Variants in BMERB1 observed in about 807,000 individuals in gnomAD.
BMERB1 encodes bMERB domain containing 1.
BMERB1 carries 12 observed loss-of-function variants against 23.6 expected under a neutral mutation model. The ratio of observed to expected loss-of-function variants is 0.51; its 90% confidence interval spans 0.33 to 0.82. BMERB1 has a LOEUF of 0.82. Among genes scored for constraint, BMERB1 ranks in the 40% least tolerant of loss-of-function variants. The pLI is 0.03. For missense variants in BMERB1, 247 were observed against 255.4 expected, an observed-to-expected ratio of 0.97 and a Z score of 0.22; for synonymous variants, 122 against 96.6, an observed-to-expected ratio of 1.26 and a Z score of -1.54.
intron 1 of BMERB1, among the ~76,000 whole-genome samples, chr16:15,463,146 A>G (rs1399562402): frequency 6.6e-6 from 1 of 151,186 alleles, no homozygotes; most frequent in Non-Finnish European, 1.5e-5. Context: ...TGGTGCGACC[A>G]TGGCTCCCTG....
intron 5 of BMERB1, among the ~76,000 whole-genome samples, chr16:15,583,613 A>C (rs2031070928): frequency 6.6e-6 from 1 of 151,586 alleles, no homozygotes; most frequent in Non-Finnish European, 1.5e-5. Flanking sequence ...ATTTCAGAGA[A>C]GTCTGGGAGC....
intron 1 of BMERB1, among the ~76,000 whole-genome samples, chr16:15,482,666 G>A (rs924909131): frequency 6.6e-6 from 1 of 152,172 alleles, no homozygotes; most frequent in African/African-American, 2.4e-5. Flanking sequence ...AGCAAAGCAA[G>A]GCGACTTCTG....
intron 2 of BMERB1, among the ~76,000 whole-genome samples, chr16:15,557,861 A>G (rs2030307711): frequency 6.6e-6 from 1 of 152,294 alleles, no homozygotes; most frequent in African/African-American, 2.4e-5. Context: ...CCTGGCCAAG[A>G]TGGTGAAACT....
intron 2 of BMERB1, among the ~76,000 whole-genome samples, chr16:15,543,821 T>C (rs889036588): frequency 6.6e-6 from 1 of 152,140 alleles, no homozygotes; most frequent in African/African-American, 2.4e-5. Flanking sequence ...ACCCTGTCTC[T>C]AAAACACAAT....
intron 1 of BMERB1, among the ~76,000 whole-genome samples, chr16:15,478,583 A>ACTTT (rs2051292042): frequency 6.6e-6 from 1 of 152,132 alleles, no homozygotes; most frequent in South Asian, 2.1e-4. Context: ...GGTGACTGAG[A>ACTTT]CTCTGTCAGG....
At chr16:15,550,160 C>T (rs185858125) in intron 2 of BMERB1, among the ~76,000 whole-genome samples, 2,103 of 152,278 alleles carry the variant, frequency 0.014, 56 homozygotes, top group African/African-American at 0.049. Context: ...AGGATGGTCT[C>T]TATCTCCTGA....
At chr16:15,457,705 G>C (rs907124087) in intron 1 of BMERB1, among the ~76,000 whole-genome samples, 23 of 152,130 alleles carry the variant, frequency 1.5e-4, no homozygotes, top group African/African-American at 5.3e-4. Flanking sequence ...GGAATATCTG[G>C]TCCCTTCTCT....
chr16:15,447,193 G>C (rs1339040012), intron 1 of BMERB1, among the ~76,000 whole-genome samples: 2 of 152,142 alleles, frequency 1.3e-5, no homozygotes, highest in Non-Finnish European at 2.9e-5. Flanking sequence ...GACTGAGACT[G>C]GGTGATTTGA....
At chr16:15,569,760 T>G (rs2030677521) in intron 3 of BMERB1, among the ~76,000 whole-genome samples, 1 of 152,180 alleles carries the variant, frequency 6.6e-6, no homozygotes. Context: ...AAGGCTGATC[T>G]TAGATTCTGC....
intron 1 of BMERB1, among the ~76,000 whole-genome samples, chr16:15,436,474 G>T (rs2050889168): frequency 6.6e-6 from 1 of 151,978 alleles, no homozygotes; most frequent in Non-Finnish European, 1.5e-5. Flanking sequence ...GGGCAGGCTG[G>T]TCCCGAACTC....
At chr16:15,573,446 G>C (rs1268268284) in intron 3 of BMERB1, among the ~76,000 whole-genome samples, 1 of 152,154 alleles carries the variant, frequency 6.6e-6, no homozygotes, top group Admixed American at 6.5e-5. Flanking sequence ...TGGGGGTGCA[G>C]TGAGAATGGA....
chr16:15,471,823 C>T (rs2051231721), intron 1 of BMERB1, among the ~76,000 whole-genome samples: 1 of 152,128 alleles, frequency 6.6e-6, no homozygotes, highest in Non-Finnish European at 1.5e-5. Context: ...AGCAATTCTC[C>T]CACCTCAGCC....
intron 1 of BMERB1, among the ~76,000 whole-genome samples, chr16:15,460,761 T>C (rs2051127277): frequency 6.6e-6 from 1 of 152,124 alleles, no homozygotes. Context: ...CTCAAGGAAT[T>C]TGTGGGCTGG....
intron 1 of BMERB1, among the ~76,000 whole-genome samples, chr16:15,461,122 C>CT (rs887321527): frequency 9.4e-6 from 1 of 106,108 alleles, no homozygotes; most frequent in African/African-American, 3.5e-5. Context: ...AAGACTCTGT[C>CT]TCAAAAAAAA....
At chr16:15,462,121 T>G (rs2051140448) in intron 1 of BMERB1, among the ~76,000 whole-genome samples, 1 of 149,896 alleles carries the variant, frequency 6.7e-6, no homozygotes, top group African/African-American at 2.5e-5. Flanking sequence ...AATTCAAAGT[T>G]AACTGGATGT....
chr16:15,455,050 C>T (rs887477297), intron 1 of BMERB1, among the ~76,000 whole-genome samples: 21 of 151,814 alleles, frequency 1.4e-4, no homozygotes, highest in African/African-American at 5.1e-4. Context: ...AAAATGTCAT[C>T]TGAGGGCGCG....
intron 2 of BMERB1, among the ~76,000 whole-genome samples, chr16:15,543,454 C>T (rs1387288526): frequency 2.0e-5 from 3 of 152,010 alleles, no homozygotes; most frequent in African/African-American, 7.2e-5. Flanking sequence ...GTCCTTCTGC[C>T]GCCTGTCCGT....
intron 1 of BMERB1, among the ~76,000 whole-genome samples, chr16:15,455,805 G>T (rs186194079): frequency 6.6e-6 from 1 of 152,094 alleles, no homozygotes; most frequent in South Asian, 2.1e-4. Flanking sequence ...TCTTTCAAGG[G>T]GTGCAGCTTT....
At chr16:15,519,215 G>T (rs906223901) in intron 2 of BMERB1, among the ~76,000 whole-genome samples, 1 of 151,966 alleles carries the variant, frequency 6.6e-6, no homozygotes, top group African/African-American at 2.4e-5. Context: ...TGACAGCCCT[G>T]GGCTGAAAGA....
Sources: allele counts gnomAD v4.1 joint callset (sites outside exome capture counted in the v4.1 genomes callset), GRCh38; gene constraint gnomAD v4.1.1; transcripts MANE v1.5; gene names NCBI Gene and HGNC (gene_info 2026-07-23, HGNC 2026-07-21).